TENM4: variants seen among roughly 807,000 people sequenced by gnomAD.
The protein encoded by TENM4 is teneurin-4.
In TENM4, 82 loss-of-function variants were observed where a neutral mutation model predicts 243.3. That is an observed-to-expected ratio of 0.34 (90% confidence interval 0.28 to 0.40). The LOEUF (loss-of-function observed/expected upper bound fraction) is 0.40. TENM4 is among the 10% of genes least tolerant of loss of function. TENM4 has a pLI of 1.00. For missense variants in TENM4, 3,138 were observed against 3,673.3 expected, an observed-to-expected ratio of 0.85 and a Z score of 3.77; for synonymous variants, 1,412 against 1,456.3, an observed-to-expected ratio of 0.97 and a Z score of 0.69.
At chr11:79,325,782 A>G (rs536215) in intron 1 of TENM4, among the ~76,000 whole-genome samples, 128,432 of 152,178 alleles carry the variant, frequency 0.84, 54,807 homozygotes, top group African/African-American at 0.95. Flanking sequence ...CCAGATCTCT[A>G]TCATGTCTCC....
chr11:79,216,806 T>C (rs1435761536), intron 2 of TENM4, among the ~76,000 whole-genome samples: 1 of 152,200 alleles, frequency 6.6e-6, no homozygotes, highest in Non-Finnish European at 1.5e-5. Context: ...ATTTCTTTTC[T>C]TTATAAACTA....
intron 4 of TENM4, among the ~76,000 whole-genome samples, chr11:79,101,864 C>T (rs1320866472): frequency 6.6e-6 from 1 of 152,218 alleles, no homozygotes; most frequent in African/African-American, 2.4e-5. Context: ...TTTCATACCA[C>T]TCCAGCCAAA....
chr11:78,903,408 G>C lies in TENM4; in HGVS notation c.609C>G (p.Gly203=). The part of the protein sequence containing the change: ...HAASINSLNR[G]NFTPRSNPSP... ...TGGGGTTGCTCCTCGGCGTGAAGTT[G>C]CCCCGGTTCAGGGAGTTAATGGAGG... The change falls in exon 7 of 34, where the codon GGC becomes GGG. Residue 203 remains glycine (G), a synonymous_variant. Coordinates refer to ENST00000278550, the MANE Select transcript of TENM4 (RefSeq NM_001098816.3). 1 of 1,539,742 alleles carries C rather than the reference G, an allele frequency of 6.5e-7. No homozygotes were observed. Among genetic ancestry groups the C allele is most frequent in the Non-Finnish European group, 8.8e-7 (1 of 1,140,922 alleles).
At chr11:79,206,994 C>T (rs1863862037) in intron 3 of TENM4, among the ~76,000 whole-genome samples, 1 of 152,092 alleles carries the variant, frequency 6.6e-6, no homozygotes, top group Admixed American at 6.5e-5. Flanking sequence ...CAGACATCTC[C>T]CTGACCTCAA....
rs546461958 is a variant in TENM4 at position 79,124,633 on chromosome 11, GTA to G, written c.-66+24075_-66+24076del. 5.2e-3 allele frequency among the ~76,000 whole-genome samples: 658 copies of G among 126,614 alleles called. 2 individuals are homozygous for G. The highest frequency in any genetic ancestry group is 0.016 in the African/African-American group (548 of 33,904). 83.1% of individuals were successfully genotyped at this position (126,614 alleles called of 152,430 possible). ...TGTGTATATATACATACATATGCAC[GTA>G]TATATATATATGTGTGTGTGTGTGT... On this transcript the variant is annotated intron_variant, in intron 4 of 33. Transcript: ENST00000278550.
chr11:79,049,714 G>A (rs879921746), intron 6 of TENM4, among the ~76,000 whole-genome samples: 1 of 152,212 alleles, frequency 6.6e-6, no homozygotes, highest in Non-Finnish European at 1.5e-5. Context: ...CCGGGAGATT[G>A]GAATTTGGTG....
intron 1 of TENM4, among the ~76,000 whole-genome samples, chr11:79,330,627 G>A (rs531271795): frequency 1.3e-5 from 2 of 152,326 alleles, no homozygotes; most frequent in African/African-American, 4.8e-5. Flanking sequence ...AGAATCAAAT[G>A]GGAAATAATA....
chr11:79,257,724 G>T (rs1433909901), intron 2 of TENM4, among the ~76,000 whole-genome samples: 3 of 152,148 alleles, frequency 2.0e-5, no homozygotes, highest in African/African-American at 4.8e-5. Context: ...ATCAGAGCAG[G>T]TCACACAGAA....
intron 6 of TENM4, among the ~76,000 whole-genome samples, chr11:78,965,769 C>T (rs528933750): frequency 6.6e-6 from 1 of 152,072 alleles, no homozygotes; most frequent in Non-Finnish European, 1.5e-5. Flanking sequence ...TACAGGAGCC[C>T]GTAACAAGTT....
chr11:78,845,498 C>G (rs1180146575), intron 12 of TENM4, among the ~76,000 whole-genome samples: 1 of 152,226 alleles, frequency 6.6e-6, no homozygotes, highest in African/African-American at 2.4e-5. Flanking sequence ...CTGGTCAGCT[C>G]TACCCCCAAC....
chr11:79,167,305 T>G (rs1439627940), intron 3 of TENM4, among the ~76,000 whole-genome samples: 3 of 152,138 alleles, frequency 2.0e-5, no homozygotes, highest in African/African-American at 7.2e-5. Flanking sequence ...AGTTCAACCT[T>G]TATCTTATGG....
chr11:79,182,048 C>T (rs944431186), intron 3 of TENM4, among the ~76,000 whole-genome samples: 1 of 151,718 alleles, frequency 6.6e-6, no homozygotes, highest in Non-Finnish European at 1.5e-5. Flanking sequence ...CAATGCAATC[C>T]CAATCAAAAT....
At position 78,775,614 on chromosome 11, in the gene TENM4, G is replaced by A. The variant is rs1208047801; in HGVS notation, c.2392+2988C>T. 4.6e-5 allele frequency among the ~76,000 whole-genome samples: 7 copies of A among 152,152 alleles called. No homozygotes were observed. The South Asian group carries it at 6.2e-4, about 14-fold the overall frequency. ...ATCACACCCCCATTAGCCAGCATGA[G>A]GAAGGCTCTTCCAGGATGACTTGCT... On this transcript the variant is annotated intron_variant, in intron 17 of 33. Transcript: ENST00000278550.
At chr11:79,245,817 G>A (rs1229260605) in intron 2 of TENM4, among the ~76,000 whole-genome samples, 1 of 151,598 alleles carries the variant, frequency 6.6e-6, no homozygotes, top group Non-Finnish European at 1.5e-5. Context: ...ACGGGTACCT[G>A]TAATCCCAGC....
chr11:79,127,194 G>T (rs1205172030), intron 4 of TENM4, among the ~76,000 whole-genome samples: 1 of 152,194 alleles, frequency 6.6e-6, no homozygotes, highest in Non-Finnish European at 1.5e-5. Flanking sequence ...AGGCCAAATG[G>T]AAGCCATTAG....
At chr11:78,948,879 T>C (rs373558980) in intron 6 of TENM4, among the ~76,000 whole-genome samples, 95 of 152,338 alleles carry the variant, frequency 6.2e-4, no homozygotes, top group African/African-American at 2.0e-3. Context: ...ATGTGTCTGA[T>C]TGTTTTCTCA....
intron 3 of TENM4, among the ~76,000 whole-genome samples, chr11:79,181,198 T>A (rs908334490): frequency 6.6e-6 from 1 of 152,090 alleles, no homozygotes; most frequent in African/African-American, 2.4e-5. Flanking sequence ...TTCAACTAAA[T>A]ATTAGCAAAT....
At position 78,658,402 on chromosome 11, in the gene TENM4, G is replaced by A; in HGVS notation, c.7966C>T (p.Leu2656Phe). 6.2e-7 allele frequency: 1 copy of A among 1,614,068 alleles called. No individual in the cohort carries two copies. Among genetic ancestry groups the A allele is most frequent in the Non-Finnish European group, 8.5e-7 (1 of 1,179,904 alleles). Residue 2656 changes from leucine (L) to phenylalanine (F), a missense_variant, in exon 34 of 34, where the codon CTT becomes TTT. By Grantham distance (22) the Leu-to-Phe change is conservative. Coordinates refer to ENST00000278550, the MANE Select transcript of TENM4 (RefSeq NM_001098816.3). Reference sequence around the variant, plus strand: ...GTGTAGCGTCTAGTCCTGCCATTAAGTACTGTGTTGATCTGGGACACAGTG... The same window carrying A: ...GTGTAGCGTCTAGTCCTGCCATTAAATACTGTGTTGATCTGGGACACAGTG... ...NVTVSQINTV[L>F]NGRTRRYTDI...
At chr11:79,071,999 G>A (rs561874670) in intron 4 of TENM4, among the ~76,000 whole-genome samples, 3 of 152,242 alleles carry the variant, frequency 2.0e-5, no homozygotes, top group Non-Finnish European at 4.4e-5. Context: ...GAGACACACA[G>A]AAATCAAATT....
Sources: gnomAD v4.1 joint callset for allele counts (sites outside exome capture counted in the v4.1 genomes callset) on GRCh38, gnomAD v4.1.1 for gene constraint, MANE v1.5 for transcripts, NCBI Gene and HGNC (gene_info 2026-07-23, HGNC 2026-07-21) for gene names.